LOXHD1: variants seen among roughly 807,000 people sequenced by gnomAD.
LOXHD1 encodes the protein lipoxygenase homology PLAT domains 1.
LOXHD1 carries 205 observed loss-of-function variants against 248.2 expected under a neutral mutation model. The observed-to-expected ratio is 0.83, with a 90% CI of 0.74 to 0.93. The LOEUF is 0.93. Among genes scored for constraint, LOXHD1 ranks in the 40% least tolerant of loss-of-function variants. The pLI is 0.00. For missense variants in LOXHD1, 2,930 were observed against 2,971.6 expected (o/e 0.99, Z 0.33); for synonymous variants, 1,113 against 1,162.8 (o/e 0.96, Z 0.87).
intron 5 of LOXHD1, among the ~76,000 whole-genome samples, chr18:46,613,150 A>G (rs28819414): frequency 0.023 from 3,576 of 152,216 alleles, 132 homozygotes; most frequent in East Asian, 0.073. Context: ...TTAAGATTTC[A>G]ACTGAAATTG....
At chr18:46,598,018 C>T (rs1014453276) in intron 8 of LOXHD1, among the ~76,000 whole-genome samples, 17 of 152,016 alleles carry the variant, frequency 1.1e-4, no homozygotes, top group African/African-American at 3.4e-4. Flanking sequence ...CTGCCCGCCT[C>T]GGCCTCCAAA....
chr18:46,612,839 C>T (rs1027209980), intron 5 of LOXHD1, among the ~76,000 whole-genome samples: 2 of 152,032 alleles, frequency 1.3e-5, no homozygotes, highest in Non-Finnish European at 2.9e-5. Flanking sequence ...GACAATTGTT[C>T]AAATACCAGT....
At chr18:46,579,320 C>T (rs1478672948) in intron 13 of LOXHD1, among the ~76,000 whole-genome samples, 3 of 152,176 alleles carry the variant, frequency 2.0e-5, no homozygotes, top group African/African-American at 7.2e-5. Flanking sequence ...TGGGGGAGAA[C>T]CATAATCCCT....
chr18:46,638,494 G>T (rs1470340277), intron 4 of LOXHD1, among the ~76,000 whole-genome samples: 2 of 152,128 alleles, frequency 1.3e-5, no homozygotes, highest in African/African-American at 4.8e-5. Flanking sequence ...TTAGCTGGGT[G>T]TGGTGTCAGG....
chr18:46,630,889 G>A (rs560316085), intron 4 of LOXHD1, among the ~76,000 whole-genome samples: 31 of 152,178 alleles, frequency 2.0e-4, no homozygotes, highest in Non-Finnish European at 4.3e-4. Context: ...AACATCTCGA[G>A]CAACCTGGTA....
At chr18:46,601,579 A>C in intron 7 of LOXHD1, 112 bp from the exon 8 acceptor site, 1 of 1,387,788 alleles carries the variant, frequency 7.2e-7, no homozygotes. Context: ...TCCTCCACAC[A>C]TCCTCTTTCC....
At chr18:46,608,831 G>T (rs2038461447) in intron 6 of LOXHD1, among the ~76,000 whole-genome samples, 1 of 152,182 alleles carries the variant, frequency 6.6e-6, no homozygotes, top group Admixed American at 6.5e-5. Context: ...AGCTAGGGAG[G>T]TGCCCTCAAG....
At chr18:46,587,298 C>G (rs2038080215) in intron 12 of LOXHD1, among the ~76,000 whole-genome samples, 1 of 152,226 alleles carries the variant, frequency 6.6e-6, no homozygotes, top group Non-Finnish European at 1.5e-5. Flanking sequence ...AAACATGACA[C>G]AGCAGGGAAG....
intron 12 of LOXHD1, among the ~76,000 whole-genome samples, chr18:46,582,443 C>T (rs892190371): frequency 3.4e-4 from 50 of 147,012 alleles, no homozygotes; most frequent in African/African-American, 1.2e-3. Flanking sequence ...CAATGAGGGA[C>T]CAAAAATGGT....
rs116538623 is a variant in LOXHD1 at position 46,534,029 on chromosome 18, T to C, written c.4212+306A>G. 4.7e-3 allele frequency among the ~76,000 whole-genome samples: 721 copies of C among 152,324 alleles called. 6 individuals are homozygous for C. Among genetic ancestry groups the C allele is most frequent in the African/African-American group, 0.017 (687 of 41,574 alleles). ...GTTTTTAAAGTTGTCTGGGGTGGAT[T>C]TTCTATGTGAGTTGACCTTGAGTTA... On this transcript the variant is annotated intron_variant, in intron 27 of 40. Transcript: ENST00000642948.
At chr18:46,577,637 C>T (rs2037883238) in intron 14 of LOXHD1, 70 bp downstream of exon 14, 1 of 1,499,250 alleles carries the variant, frequency 6.7e-7, no homozygotes, top group East Asian at 2.5e-5. Context: ...GGTAGTAGGG[C>T]TGGGTCTTCC....
In LOXHD1 at chr18:46,529,102, C is replaced by G. The variant is rs1014180334; in HGVS notation, c.4530+75G>C. 4 of 1,527,412 alleles carry G rather than the reference C, an allele frequency of 2.6e-6. No homozygotes were observed. In the African/African-American group the frequency reaches 4.1e-5, roughly 16 times the overall value. 94.6% of individuals were successfully genotyped at this position (1,527,412 alleles called of 1,614,324 possible). ...TGGAGTTCCTGGATGTCCCCAGGAA[C>G]CAAGAAGAGCTGGCACCTAGATCGC... On this transcript the variant is annotated intron_variant, in intron 29 of 40. Transcript: ENST00000642948.
intron 2 of LOXHD1, among the ~76,000 whole-genome samples, chr18:46,642,555 A>G (rs1448397470): frequency 6.6e-6 from 1 of 152,226 alleles, no homozygotes; most frequent in Non-Finnish European, 1.5e-5. Flanking sequence ...CCAACAAGAA[A>G]GAAAACACTC....
chr18:46,520,079 G>GCTCA (rs2035493981), intron 33 of LOXHD1, among the ~76,000 whole-genome samples: 1 of 152,184 alleles, frequency 6.6e-6, no homozygotes, highest in Non-Finnish European at 1.5e-5. Flanking sequence ...TGAACTGTGT[G>GCTCA]CTCACCCACA....
intron 20 of LOXHD1, chr18:46,557,830 T>C: frequency 5.4e-6 from 7 of 1,285,930 alleles, no homozygotes; most frequent in Non-Finnish European, 7.0e-6. Flanking sequence ...GAGAGGGGGG[T>C]GCACTGAAAC....
At chr18:46,550,828 A>G (rs1420915937) in intron 21 of LOXHD1, among the ~76,000 whole-genome samples, 1 of 152,152 alleles carries the variant, frequency 6.6e-6, no homozygotes, top group Non-Finnish European at 1.5e-5. Flanking sequence ...ATTCTGACTG[A>G]TACAACTTGA....
intron 4 of LOXHD1, 32 bp from the exon 5 acceptor site, chr18:46,618,322 C>A: frequency 6.9e-7 from 1 of 1,455,982 alleles, no homozygotes; most frequent in South Asian, 1.2e-5. Flanking sequence ...AACCTTAGCT[C>A]ATCAGGATCC....
chr18:46,642,585 G>C (rs1185343797), intron 2 of LOXHD1, among the ~76,000 whole-genome samples: 2 of 152,246 alleles, frequency 1.3e-5, no homozygotes, highest in Non-Finnish European at 2.9e-5. Flanking sequence ...CCAACAGCCA[G>C]GGAAGTAGGG....
At chr18:46,583,751 G>C (rs1355265887) in intron 12 of LOXHD1, among the ~76,000 whole-genome samples, 2 of 151,950 alleles carry the variant, frequency 1.3e-5, no homozygotes, top group East Asian at 3.9e-4. Flanking sequence ...GTGCAAACTA[G>C]TATGGCCATT....
Sources: gnomAD v4.1 joint callset for allele counts (sites outside exome capture counted in the v4.1 genomes callset) on GRCh38, gnomAD v4.1.1 for gene constraint, MANE v1.5 for transcripts, NCBI Gene and HGNC (gene_info 2026-07-23, HGNC 2026-07-21) for gene names.